Variants in LOC128462377 observed in about 807,000 individuals in gnomAD.
the LOC128462377 span, among the ~76,000 whole-genome samples, chr16:89,400,933 C>T: frequency 6.6e-6 from 1 of 152,202 alleles, no homozygotes. Context: ...AGGCTCCACC[C>T]TGCTCGGGTT....
At chr16:89,392,150 A>G in the LOC128462377 span, among the ~76,000 whole-genome samples, 1 of 152,242 alleles carries the variant, frequency 6.6e-6, no homozygotes, top group Admixed American at 6.5e-5. Flanking sequence ...GGTATAAAAA[A>G]ACCGGACACA....
chr16:89,324,906 C>T, the LOC128462377 span: 1 of 224,014 alleles, frequency 4.5e-6, no homozygotes, highest in South Asian at 5.7e-5. Context: ...AATAAACTCC[C>T]CTCCATATAT....
the LOC128462377 span, among the ~76,000 whole-genome samples, chr16:89,362,266 G>A: frequency 4.6e-5 from 7 of 152,204 alleles, no homozygotes; most frequent in Non-Finnish European, 7.3e-5. Flanking sequence ...GGATCTCAGC[G>A]TAAGCAGCTC....
At chr16:89,358,530 C>A in the LOC128462377 span, among the ~76,000 whole-genome samples, 1 of 152,206 alleles carries the variant, frequency 6.6e-6, no homozygotes, top group African/African-American at 2.4e-5. Context: ...ATCATCACTA[C>A]GCATTGCATG....
the LOC128462377 span, among the ~76,000 whole-genome samples, chr16:89,384,878 TC>T: frequency 1.4e-4 from 16 of 118,188 alleles, no homozygotes; most frequent in African/African-American, 5.5e-4. Context: ...GAAATAGTTT[TC>T]TTTTTTTTTT....
the LOC128462377 span, among the ~76,000 whole-genome samples, chr16:89,337,314 G>A: frequency 3.3e-5 from 5 of 151,638 alleles, no homozygotes; most frequent in Admixed American, 2.0e-4. Context: ...GGAATCCTCC[G>A]CCACGTGACC....
chr16:89,383,048 C>T, the LOC128462377 span, among the ~76,000 whole-genome samples: 1 of 152,146 alleles, frequency 6.6e-6, no homozygotes, highest in African/African-American at 2.4e-5. Context: ...TCAATTATGC[C>T]ATGTCATATA....
At chr16:89,383,620 C>A in the LOC128462377 span, among the ~76,000 whole-genome samples, 1 of 152,150 alleles carries the variant, frequency 6.6e-6, no homozygotes, top group African/African-American at 2.4e-5. Context: ...CACGTCGAGC[C>A]CCTGCCCTCG....
At chr16:89,352,079 G>A in the LOC128462377 span, among the ~76,000 whole-genome samples, 3 of 151,590 alleles carry the variant, frequency 2.0e-5, no homozygotes, top group East Asian at 3.9e-4. Context: ...GTGTAGAGGC[G>A]GGGGTTTCAA....
the LOC128462377 span, among the ~76,000 whole-genome samples, chr16:89,320,867 G>A: frequency 0.025 from 3,790 of 152,356 alleles, 71 homozygotes; most frequent in Middle Eastern, 0.044. Flanking sequence ...CAGCCCAGAG[G>A]GGCTCCACCT....
the LOC128462377 span, among the ~76,000 whole-genome samples, chr16:89,374,529 G>A: frequency 6.6e-6 from 1 of 152,262 alleles, no homozygotes; most frequent in East Asian, 1.9e-4. Flanking sequence ...AGAGCCGATG[G>A]CCTCTGCCGG....
chr16:89,331,436 G>A, the LOC128462377 span, among the ~76,000 whole-genome samples: 1 of 152,144 alleles, frequency 6.6e-6, no homozygotes, highest in Non-Finnish European at 1.5e-5. Context: ...AGAACAAAGG[G>A]AGAATTTACA....
the LOC128462377 span, among the ~76,000 whole-genome samples, chr16:89,405,401 G>A: frequency 1.3e-5 from 2 of 151,762 alleles, no homozygotes; most frequent in Non-Finnish European, 2.9e-5. Flanking sequence ...TGAGCTCACC[G>A]TAGCCTCGAC....
the LOC128462377 span, among the ~76,000 whole-genome samples, chr16:89,362,952 G>A: frequency 1.3e-5 from 2 of 151,950 alleles, no homozygotes; most frequent in Non-Finnish European, 2.9e-5. Context: ...GGACACAGCA[G>A]TTGGTATAAA....
the LOC128462377 span, among the ~76,000 whole-genome samples, chr16:89,417,768 A>G: frequency 1.3e-5 from 2 of 151,764 alleles, no homozygotes; most frequent in African/African-American, 4.8e-5. Flanking sequence ...AGGACAACCC[A>G]GCAAGACCAC....
chr16:89,333,467 T>C, the LOC128462377 span, among the ~76,000 whole-genome samples: 2 of 152,194 alleles, frequency 1.3e-5, no homozygotes, highest in Non-Finnish European at 2.9e-5. Context: ...CGTTGTGGTA[T>C]CATACAGAGT....
At chr16:89,332,683 A>T in the LOC128462377 span, among the ~76,000 whole-genome samples, 6 of 152,322 alleles carry the variant, frequency 3.9e-5, no homozygotes, top group African/African-American at 1.4e-4. Context: ...AGGCGCTGAG[A>T]CCAGGCAGGG....
chr16:89,346,855 G>C, the LOC128462377 span, among the ~76,000 whole-genome samples: 365 of 152,232 alleles, frequency 2.4e-3, 1 homozygote, highest in Non-Finnish European at 4.6e-3. Flanking sequence ...AAACATAAAC[G>C]AAACAAAAAG....
chr16:89,405,771 A>G, the LOC128462377 span, among the ~76,000 whole-genome samples: 1 of 152,080 alleles, frequency 6.6e-6, no homozygotes, highest in African/African-American at 2.4e-5. Flanking sequence ...CCTGGGGCTT[A>G]GGGGTCAAAT....
Sources: allele counts gnomAD v4.1 joint callset (sites outside exome capture counted in the v4.1 genomes callset), GRCh38; gene constraint gnomAD v4.1.1; transcripts MANE v1.5.